The following NEGR1 variants were observed in gnomAD, a reference collection of about 807,000 sequenced individuals.
NEGR1 encodes the protein IgLON family member 4.
Under a neutral mutation model 40.9 loss-of-function variants are expected in NEGR1, and 10 were observed. That is an observed-to-expected ratio of 0.24 (90% CI 0.15 to 0.42). The LOEUF (loss-of-function observed/expected upper bound fraction) is 0.42, where lower values mean the gene tolerates loss of function less well. Among genes scored for constraint, NEGR1 ranks in the 10% least tolerant of loss-of-function variants. The pLI, the probability that NEGR1 is intolerant of heterozygous loss-of-function variation, is 1.00. For synonymous variants in NEGR1, 185 were observed against 166.8 expected, an observed-to-expected ratio of 1.11 and a Z score of -0.84; for missense variants, 352 against 438.9, an observed-to-expected ratio of 0.80 and a Z score of 1.77.
chr1:72,137,405 C>G (rs1328991843), intron 1 of NEGR1, among the ~76,000 whole-genome samples: 2 of 152,140 alleles, frequency 1.3e-5, no homozygotes, highest in Admixed American at 1.3e-4. Context: ...CCATGGAATA[C>G]TATGCAGCCA....
At chr1:71,905,991 A>C (rs72931784) in intron 2 of NEGR1, among the ~76,000 whole-genome samples, 9,785 of 152,128 alleles carry the variant, frequency 0.064, 771 homozygotes, top group African/African-American at 0.18. Flanking sequence ...GCCACCTAAT[A>C]TCTAATTAGG....
intron 6 of NEGR1, among the ~76,000 whole-genome samples, chr1:71,563,477 A>T (rs142791136): frequency 5.3e-4 from 81 of 152,128 alleles, no homozygotes; most frequent in African/African-American, 1.9e-3. Context: ...TAAATGGATA[A>T]TTCAAAATAT....
At chr1:72,063,376 A>G (rs375118653) in intron 1 of NEGR1, among the ~76,000 whole-genome samples, 43 of 152,082 alleles carry the variant, frequency 2.8e-4, no homozygotes, top group African/African-American at 9.4e-4. Flanking sequence ...AAAAACCACA[A>G]TTACTTGTGT....
intron 1 of NEGR1, among the ~76,000 whole-genome samples, chr1:72,042,736 T>C (rs1238366836): frequency 6.6e-6 from 1 of 151,944 alleles, no homozygotes; most frequent in Non-Finnish European, 1.5e-5. Flanking sequence ...ATTTGGAATT[T>C]TGTATATTAC....
intron 6 of NEGR1, among the ~76,000 whole-genome samples, chr1:71,588,710 T>G (rs1478865352): frequency 6.6e-6 from 1 of 152,170 alleles, no homozygotes; most frequent in Non-Finnish European, 1.5e-5. Flanking sequence ...GTTGTCTTCA[T>G]GTTAAATCAA....
chr1:72,171,489 T>G (rs1349006832), intron 1 of NEGR1, among the ~76,000 whole-genome samples: 3 of 152,176 alleles, frequency 2.0e-5, no homozygotes, highest in Admixed American at 6.5e-5. Context: ...CATGTTTACA[T>G]ACAAGAACCT....
At chr1:71,802,094 A>T (rs1055813075) in intron 2 of NEGR1, among the ~76,000 whole-genome samples, 1 of 152,292 alleles carries the variant, frequency 6.6e-6, no homozygotes, top group Middle Eastern at 3.4e-3. Context: ...AAAAATAATA[A>T]ACTTAGATAT....
chr1:71,417,689 T>G, intron 6 of NEGR1, among the ~76,000 whole-genome samples: 1 of 152,192 alleles, frequency 6.6e-6, no homozygotes, highest in Non-Finnish European at 1.5e-5. Flanking sequence ...GTTTTCTCAG[T>G]TGAACAAAGG....
chr1:71,648,210 A>G (rs891885564), intron 4 of NEGR1, among the ~76,000 whole-genome samples: 6 of 151,996 alleles, frequency 3.9e-5, no homozygotes, highest in Non-Finnish European at 5.9e-5. Flanking sequence ...ATTTAAAACA[A>G]AAACCAGAAC....
intron 5 of NEGR1, among the ~76,000 whole-genome samples, chr1:71,610,333 C>T (rs185801534): frequency 3.3e-5 from 5 of 152,168 alleles, no homozygotes; most frequent in African/African-American, 4.8e-5. Context: ...ATTTTTTGAT[C>T]GATTGATAAC....
rs139982103 is a variant in NEGR1 at position 72,212,775 on chromosome 1, C to T, written c.176+69544G>A. Reference sequence around the variant, plus strand: ...AATAGGATTGGGAAACAGAACTTGCCATGAGCTAGATAAAAAGAAATATAA... The same window carrying T: ...AATAGGATTGGGAAACAGAACTTGCTATGAGCTAGATAAAAAGAAATATAA... On this transcript the variant is annotated intron_variant, in intron 1 of 6. Transcript: ENST00000357731. Among the ~76,000 whole-genome samples, 1,318 of 151,812 alleles carry T rather than the reference C, an allele frequency of 8.7e-3. 21 individuals are homozygous for T. Among genetic ancestry groups the T allele is most frequent in the African/African-American group, 0.03 (1,254 of 41,450 alleles).
intron 6 of NEGR1, among the ~76,000 whole-genome samples, chr1:71,546,753 T>C (rs1647909919): frequency 6.6e-6 from 1 of 151,688 alleles, no homozygotes; most frequent in South Asian, 2.1e-4. Flanking sequence ...GTGTACTTAA[T>C]ACTTAAGCAG....
chr1:71,877,781 C>T (rs1481138430), intron 2 of NEGR1, among the ~76,000 whole-genome samples: 3 of 151,988 alleles, frequency 2.0e-5, no homozygotes, highest in Admixed American at 6.6e-5. Flanking sequence ...TAAAAAATTG[C>T]TTTCAGTTCA....
intron 3 of NEGR1, among the ~76,000 whole-genome samples, chr1:71,705,246 C>G (rs1210561450): frequency 2.6e-5 from 4 of 151,956 alleles, no homozygotes; most frequent in Non-Finnish European, 5.9e-5. Flanking sequence ...TAAATTAACT[C>G]AATATGCATC....
intron 1 of NEGR1, among the ~76,000 whole-genome samples, chr1:72,103,149 G>A (rs1432388221): frequency 6.6e-6 from 1 of 151,914 alleles, no homozygotes; most frequent in Non-Finnish European, 1.5e-5. Flanking sequence ...TTTGCTACAG[G>A]TGAAATAAAG....
chr1:71,963,630 A>C (rs745979964), intron 1 of NEGR1, among the ~76,000 whole-genome samples: 1 of 152,146 alleles, frequency 6.6e-6, no homozygotes, highest in Non-Finnish European at 1.5e-5. Context: ...TATTTTAATG[A>C]ATATGTGTGA....
At chr1:71,908,697 C>T (rs960442507) in intron 2 of NEGR1, among the ~76,000 whole-genome samples, 1 of 152,090 alleles carries the variant, frequency 6.6e-6, no homozygotes, top group African/African-American at 2.4e-5. Context: ...TAAACTTAGA[C>T]CATTGATTGC....
At chr1:71,762,896 A>G (rs1369104142) in intron 3 of NEGR1, among the ~76,000 whole-genome samples, 1 of 152,188 alleles carries the variant, frequency 6.6e-6, no homozygotes, top group African/African-American at 2.4e-5. Flanking sequence ...TTCTCTAATG[A>G]AGAAAACTAA....
At chr1:72,058,712 T>C (rs959306937) in intron 1 of NEGR1, among the ~76,000 whole-genome samples, 6 of 151,736 alleles carry the variant, frequency 4.0e-5, no homozygotes, top group African/African-American at 1.4e-4. Context: ...TGTACTGCCA[T>C]TGCCTATTTA....
Sources: allele counts gnomAD v4.1 joint callset (sites outside exome capture counted in the v4.1 genomes callset), GRCh38; gene constraint gnomAD v4.1.1; transcripts MANE v1.5; gene names NCBI Gene and HGNC (gene_info 2026-07-23, HGNC 2026-07-21).